DLC1: variants seen among roughly 807,000 people sequenced by gnomAD.
DLC1 encodes DLC1 Rho GTPase activating protein.
DLC1 carries 54 observed loss-of-function variants against 140.3 expected under a neutral mutation model. That is an observed-to-expected ratio of 0.38 (90% CI 0.31 to 0.48). The LOEUF is 0.48. DLC1 is among the 20% of genes least tolerant of loss of function. DLC1 has a pLI of 0.96. For synonymous variants in DLC1, 986 were observed against 728.1 expected, an observed-to-expected ratio of 1.35 and a Z score of -5.70; for missense variants, 2,536 against 1,907.0, an observed-to-expected ratio of 1.33 and a Z score of -6.14.
chr8:13,356,473 C>T (rs1352191638), intron 4 of DLC1, among the ~76,000 whole-genome samples: 1 of 152,142 alleles, frequency 6.6e-6, no homozygotes, highest in African/African-American at 2.4e-5. Context: ...AATTCCTTGC[C>T]AATTATCTTT....
At chr8:13,158,975 C>A (rs1015509747) in intron 5 of DLC1, among the ~76,000 whole-genome samples, 1 of 152,194 alleles carries the variant, frequency 6.6e-6, no homozygotes, top group East Asian at 1.9e-4. Flanking sequence ...ATGGACCACT[C>A]TGGGAACCAG....
intron 5 of DLC1, among the ~76,000 whole-genome samples, chr8:13,129,174 G>C (rs930895764): frequency 3.9e-5 from 6 of 152,210 alleles, no homozygotes; most frequent in Non-Finnish European, 8.8e-5. Flanking sequence ...ATTCAACGCA[G>C]TAACTCATTC....
chr8:13,391,812 G>T (rs895751768), intron 4 of DLC1, among the ~76,000 whole-genome samples: 1 of 151,840 alleles, frequency 6.6e-6, no homozygotes, highest in Non-Finnish European at 1.5e-5. Flanking sequence ...GAAAAGAACT[G>T]CCCTGCAGGA....
intron 5 of DLC1, among the ~76,000 whole-genome samples, chr8:13,216,433 T>C (rs1218399010): frequency 6.6e-6 from 1 of 152,118 alleles, no homozygotes; most frequent in Admixed American, 6.5e-5. Context: ...CTTCCTTTCA[T>C]GACACACTCT....
In DLC1 at chr8:13,295,938, C is replaced by CTTTTTTTTTTTTTTTTTTTTTTT. The variant is rs34697767; in HGVS notation, c.1348+9330_1348+9331insAAAAAAAAAAAAAAAAAAAAAAA. ...ATCTAAGAGATGATCAGATAAGATT[C>CTTTTTTTTTTTTTTTTTTTTTTT]TTTGTTTTTTTTTTTTTTTTTTTTT... On this transcript the variant is annotated intron_variant, in intron 5 of 17. Transcript: ENST00000276297. Among the ~76,000 whole-genome samples, 10 of 53,344 alleles carry CTTTTTTTTTTTTTTTTTTTTTTT rather than the reference C, an allele frequency of 1.9e-4. 3 individuals carry two copies. The highest frequency in any genetic ancestry group is 1.7e-4 in the Admixed American group (1 of 5,758). The allele number at this position is 53,344 out of a possible 152,430, so 35.0% of individuals were successfully genotyped here. A position where few individuals can be genotyped will look rare whatever the true frequency, so the allele number is the denominator to read the frequency against.
intron 4 of DLC1, among the ~76,000 whole-genome samples, chr8:13,313,794 T>C (rs1205748300): frequency 6.6e-6 from 1 of 152,214 alleles, no homozygotes; most frequent in East Asian, 1.9e-4. Flanking sequence ...CATTTTTGTT[T>C]TTTTTCTTAT....
At position 13,547,651 on chromosome 8, in the gene DLC1, T is replaced by C. The variant is rs557857917; in HGVS notation, c.-125-47455A>G. Among the ~76,000 whole-genome samples the C allele has an allele frequency of 2.0e-5, 3 of 152,188 alleles. No individual in the cohort carries two copies. The South Asian group carries it at 6.2e-4, about 32-fold the overall frequency. On this transcript the variant is annotated intron_variant, in intron 1 of 1. Coordinates refer to the DLC1 transcript ENST00000631382. Reference sequence around the variant, plus strand: ...AGTTTATGCATTAAGAAGGCAAATTTGTCAAGGTTAGAAAATACAACATCA... The same window carrying C: ...AGTTTATGCATTAAGAAGGCAAATTCGTCAAGGTTAGAAAATACAACATCA...
intron 5 of DLC1, among the ~76,000 whole-genome samples, chr8:13,246,488 C>T (rs368302084): frequency 2.6e-5 from 4 of 151,208 alleles, no homozygotes; most frequent in East Asian, 2.0e-4. Context: ...GGCATTCTTA[C>T]GGAGAGAGAA....
chr8:13,333,177 A>T (rs1247636595), intron 4 of DLC1, among the ~76,000 whole-genome samples: 4 of 152,110 alleles, frequency 2.6e-5, no homozygotes, highest in African/African-American at 9.7e-5. Context: ...CCTACCTATC[A>T]ATGTTATACA....
intron 5 of DLC1, among the ~76,000 whole-genome samples, chr8:13,213,533 A>G (rs1018563256): frequency 1.3e-5 from 2 of 152,224 alleles, no homozygotes; most frequent in African/African-American, 4.8e-5. Context: ...TGCTACTTTA[A>G]AAAACACTAA....
At chr8:13,365,521 T>C (rs193096506) in intron 4 of DLC1, among the ~76,000 whole-genome samples, 35 of 152,212 alleles carry the variant, frequency 2.3e-4, no homozygotes, top group Admixed American at 6.5e-4. Flanking sequence ...TGTGAATGCG[T>C]TGGAGGGACA....
chr8:13,244,455 G>T (rs1314869628), intron 5 of DLC1, among the ~76,000 whole-genome samples: 1 of 151,900 alleles, frequency 6.6e-6, no homozygotes, highest in African/African-American at 2.4e-5. Context: ...GCAGCACTAT[G>T]CCTGGCTACC....
At chr8:13,595,055 G>T (rs190991701) in intron 1 of DLC1, among the ~76,000 whole-genome samples, 5 of 151,606 alleles carry the variant, frequency 3.3e-5, no homozygotes, top group African/African-American at 1.2e-4. Context: ...ATCACACACC[G>T]CAGTTTTCTC....
chr8:13,424,266 A>G (rs1838452903), intron 2 of DLC1, among the ~76,000 whole-genome samples: 1 of 152,164 alleles, frequency 6.6e-6, no homozygotes, highest in Non-Finnish European at 1.5e-5. Flanking sequence ...TGGGAGGCCA[A>G]TCACCTGAAG....
intron 4 of DLC1, among the ~76,000 whole-genome samples, chr8:13,328,896 G>A (rs980529205): frequency 6.6e-6 from 1 of 152,146 alleles, no homozygotes; most frequent in Admixed American, 6.5e-5. Flanking sequence ...AGATGAGAAT[G>A]CAAATGTGAT....
chr8:13,156,498 C>T (rs750450709), intron 5 of DLC1, among the ~76,000 whole-genome samples: 2 of 152,114 alleles, frequency 1.3e-5, no homozygotes, highest in African/African-American at 2.4e-5. Flanking sequence ...TCCTTCCCAC[C>T]AAAGCCTGGC....
chr8:13,105,885 T>C (rs968334168), intron 7 of DLC1, among the ~76,000 whole-genome samples: 4 of 152,170 alleles, frequency 2.6e-5, no homozygotes, highest in Non-Finnish European at 5.9e-5. Flanking sequence ...GCAATCTGTG[T>C]TCCTTTCTAA....
At chr8:13,591,464 A>G (rs1343570366) in intron 1 of DLC1, among the ~76,000 whole-genome samples, 2 of 152,080 alleles carry the variant, frequency 1.3e-5, no homozygotes, top group Non-Finnish European at 2.9e-5. Flanking sequence ...TGTGAAGAAG[A>G]ACATGTTTGC....
intron 1 of DLC1, among the ~76,000 whole-genome samples, chr8:13,550,342 T>C (rs1328166990): frequency 6.6e-6 from 1 of 152,156 alleles, no homozygotes; most frequent in Non-Finnish European, 1.5e-5. Flanking sequence ...GTCATAATTG[T>C]AAGTTTCCTG....
Sources: allele counts gnomAD v4.1 joint callset (sites outside exome capture counted in the v4.1 genomes callset), GRCh38; gene constraint gnomAD v4.1.1; transcripts MANE v1.5; gene names NCBI Gene and HGNC (gene_info 2026-07-23, HGNC 2026-07-21).